Variants in CCSER1 observed in about 807,000 individuals in gnomAD.
CCSER1 encodes the protein coiled-coil serine rich protein 1, also known as serine-rich coiled-coil domain-containing protein 1.
Under a neutral mutation model 82.0 loss-of-function variants are expected in CCSER1, and 41 were observed. That is an observed-to-expected ratio of 0.50 (90% CI 0.39 to 0.65). The LOEUF (loss-of-function observed/expected upper bound fraction) is 0.65, where lower values mean the gene tolerates loss of function less well. Among genes scored for constraint, CCSER1 ranks in the 30% least tolerant of loss-of-function variants. CCSER1 has a pLI of 0.00. For synonymous variants in CCSER1, 414 were observed against 383.9 expected (o/e 1.08, Z -0.92); for missense variants, 1,119 against 1,064.2 (o/e 1.05, Z -0.72).
intron 5 of CCSER1, among the ~76,000 whole-genome samples, chr4:90,560,286 C>T (rs1451696669): frequency 6.6e-6 from 1 of 151,836 alleles, no homozygotes; most frequent in Non-Finnish European, 1.5e-5. Context: ...GCCCAAAGCT[C>T]TAAACATCCT....
intron 8 of CCSER1, among the ~76,000 whole-genome samples, chr4:90,828,055 T>A (rs1760694714): frequency 6.6e-6 from 1 of 152,148 alleles, no homozygotes; most frequent in African/African-American, 2.4e-5. Flanking sequence ...CTTCCTCTCC[T>A]GTGATAAGAG....
chr4:91,339,792 AT>A (rs540131479), intron 10 of CCSER1, among the ~76,000 whole-genome samples: 83 of 150,394 alleles, frequency 5.5e-4, no homozygotes, highest in East Asian at 2.7e-3. Context: ...TATGTATACT[AT>A]TTTTTTTTTC....
intron 5 of CCSER1, among the ~76,000 whole-genome samples, chr4:90,512,508 A>G (rs1451531108): frequency 6.6e-6 from 1 of 152,162 alleles, no homozygotes; most frequent in African/African-American, 2.4e-5. Context: ...AGACATGCCT[A>G]TAACAAGACT....
chr4:90,838,953 G>T lies in CCSER1; in HGVS notation c.2094+23108G>T, dbSNP rs766070638. On this transcript the variant is annotated intron_variant, in intron 8 of 10. Coordinates refer to ENST00000509176, the MANE Select transcript of CCSER1 (RefSeq NM_001145065.2). ...TGTTCAATCGTTTCTTTGGAAGGCA[G>T]TGGATTTTTCTCTTGCGTCTCTGTC... 8 of 1,613,342 alleles carry T rather than the reference G, an allele frequency of 5.0e-6. No homozygotes were observed. In the Admixed American group the frequency reaches 1.3e-4, roughly 27 times the overall value.
chr4:90,226,510 A>G (rs1027884772), intron 1 of CCSER1, among the ~76,000 whole-genome samples: 1 of 152,238 alleles, frequency 6.6e-6, no homozygotes, highest in African/African-American at 2.4e-5. Context: ...TGCAGTTGGT[A>G]TAAGAAAATT....
At chr4:90,853,697 A>C (rs1465709986) in intron 8 of CCSER1, among the ~76,000 whole-genome samples, 1 of 152,190 alleles carries the variant, frequency 6.6e-6, no homozygotes, top group African/African-American at 2.4e-5. Flanking sequence ...ACTTTGAAAA[A>C]GTCTATATAC....
chr4:91,461,390 A>G (rs1455595222), intron 10 of CCSER1, among the ~76,000 whole-genome samples: 1 of 152,130 alleles, frequency 6.6e-6, no homozygotes, highest in Non-Finnish European at 1.5e-5. Flanking sequence ...TTAGTAGAGT[A>G]CCTAAGACCA....
intron 10 of CCSER1, among the ~76,000 whole-genome samples, chr4:91,233,871 TCAA>T (rs933049342): frequency 2.6e-5 from 4 of 151,904 alleles, no homozygotes; most frequent in Admixed American, 2.0e-4. Flanking sequence ...ATATAAGTCT[TCAA>T]CAACAGTGTA....
At chr4:90,524,456 G>A (rs778866581) in intron 5 of CCSER1, among the ~76,000 whole-genome samples, 1 of 151,770 alleles carries the variant, frequency 6.6e-6, no homozygotes, top group Non-Finnish European at 1.5e-5. Context: ...CATGAAGATT[G>A]TTTTTTTTGT....
intron 6 of CCSER1, among the ~76,000 whole-genome samples, chr4:90,673,442 C>T (rs1346728303): frequency 5.3e-5 from 8 of 151,980 alleles, no homozygotes; most frequent in South Asian, 4.2e-4. Context: ...TAAAGCACAT[C>T]CCATTTGTTG....
rs541798285 is a variant in CCSER1 at position 90,610,294 on chromosome 4, A to C, written c.1725-17731A>C. ...AAATAAATAAATAAATAAATAAATA[A>C]ATAAATAAAATGTGATTTCAGTAAG... On this transcript the variant is annotated intron_variant, in intron 5 of 10. Transcript: ENST00000509176. 2.0e-5 allele frequency among the ~76,000 whole-genome samples: 3 copies of C among 150,586 alleles called. No homozygotes were observed. In the South Asian group the frequency reaches 6.3e-4, roughly 31 times the overall value.
chr4:91,538,698 C>CATATATTATGTATATATATATATTATAT, intron 10 of CCSER1, among the ~76,000 whole-genome samples: 6 of 138,338 alleles, frequency 4.3e-5, no homozygotes, highest in Non-Finnish European at 6.1e-5. Context: ...TATATATACA[C>CATATATTATGTATATATATATATTATAT]ATATATATAT....
intron 3 of CCSER1, among the ~76,000 whole-genome samples, chr4:90,371,192 T>A (rs969412776): frequency 1.3e-5 from 2 of 149,662 alleles, no homozygotes; most frequent in Non-Finnish European, 1.5e-5. Context: ...AGCAAATGAA[T>A]CCAATAAATC....
At chr4:90,852,735 A>G (rs903717426) in intron 8 of CCSER1, among the ~76,000 whole-genome samples, 3 of 152,240 alleles carry the variant, frequency 2.0e-5, no homozygotes, top group African/African-American at 7.2e-5. Context: ...GAAGTAGGAC[A>G]ATTAATTGAC....
intron 4 of CCSER1, among the ~76,000 whole-genome samples, chr4:90,415,528 A>G (rs1755655960): frequency 6.6e-6 from 1 of 152,252 alleles, no homozygotes; most frequent in Non-Finnish European, 1.5e-5. Flanking sequence ...GATATTAAGC[A>G]ATGTTATTTC....
intron 10 of CCSER1, among the ~76,000 whole-genome samples, chr4:91,390,989 G>A (rs1191122560): frequency 6.6e-6 from 1 of 151,750 alleles, no homozygotes; most frequent in African/African-American, 2.4e-5. Context: ...CTTAGCTAGA[G>A]GCTTATTGAT....
chr4:90,411,164 G>C (rs191632206), intron 4 of CCSER1, among the ~76,000 whole-genome samples: 2,171 of 152,288 alleles, frequency 0.014, 17 homozygotes, highest in Non-Finnish European at 0.018. Flanking sequence ...TCCAGGACCA[G>C]ATGGATTCAC....
intron 7 of CCSER1, among the ~76,000 whole-genome samples, chr4:90,730,916 G>A (rs1261680244): frequency 1.3e-5 from 2 of 152,256 alleles, no homozygotes; most frequent in East Asian, 3.9e-4. Flanking sequence ...AGTATGTCAT[G>A]ATAAAGACTT....
intron 10 of CCSER1, among the ~76,000 whole-genome samples, chr4:91,483,754 T>C (rs976114562): frequency 2.6e-5 from 4 of 152,162 alleles, no homozygotes; most frequent in Non-Finnish European, 5.9e-5. Context: ...TTCATTATAT[T>C]CCATTTTTAT....
Sources: allele counts gnomAD v4.1 joint callset (sites outside exome capture counted in the v4.1 genomes callset), GRCh38; gene constraint gnomAD v4.1.1; transcripts MANE v1.5; gene names NCBI Gene and HGNC (gene_info 2026-07-23, HGNC 2026-07-21).